PTPRD: variants seen among roughly 807,000 people sequenced by gnomAD.
PTPRD encodes the protein receptor-type tyrosine-protein phosphatase delta.
PTPRD carries 34 observed loss-of-function variants against 214.5 expected under a neutral mutation model. The observed-to-expected ratio is 0.16, with a 90% CI of 0.12 to 0.21. The LOEUF (loss-of-function observed/expected upper bound fraction) is 0.21. Ranked by LOEUF, PTPRD falls within the 10% of genes least tolerant of loss-of-function variation. PTPRD has a pLI of 1.00. For missense variants in PTPRD, 2,545 were observed against 2,398.7 expected (o/e 1.06, Z -1.27); for synonymous variants, 1,128 against 845.7 (o/e 1.33, Z -5.79).
At chr9:8,908,890 A>G (rs1116909) in intron 11 of PTPRD, among the ~76,000 whole-genome samples, 5,003 of 151,214 alleles carry the variant, frequency 0.033, 267 homozygotes, top group African/African-American at 0.11. Context: ...AAGACCTATC[A>G]TTATTAATGC....
At chr9:10,109,539 G>A (rs898111237) in intron 3 of PTPRD, among the ~76,000 whole-genome samples, 2 of 152,068 alleles carry the variant, frequency 1.3e-5, no homozygotes, top group African/African-American at 4.8e-5. Flanking sequence ...CCATAAACCA[G>A]GGCAAATATA....
intron 5 of PTPRD, among the ~76,000 whole-genome samples, chr9:9,813,931 C>T (rs1426771120): frequency 1.3e-5 from 2 of 152,076 alleles, no homozygotes; most frequent in East Asian, 3.9e-4. Context: ...GGATTTATCC[C>T]TTGCAAATGG....
intron 3 of PTPRD, among the ~76,000 whole-genome samples, chr9:10,103,702 C>T (rs769030645): frequency 3.3e-5 from 5 of 151,422 alleles, no homozygotes; most frequent in Non-Finnish European, 7.4e-5. Context: ...CTATTTCCTC[C>T]CAAATGGAGC....
At chr9:8,747,057 T>C (rs1296954017) in intron 11 of PTPRD, among the ~76,000 whole-genome samples, 1 of 152,176 alleles carries the variant, frequency 6.6e-6, no homozygotes, top group African/African-American at 2.4e-5. Context: ...CAAATTAAAA[T>C]GCCATCTTTT....
intron 2 of PTPRD, among the ~76,000 whole-genome samples, chr9:10,527,378 T>C (rs546194220): frequency 6.6e-6 from 1 of 152,132 alleles, no homozygotes; most frequent in African/African-American, 2.4e-5. Flanking sequence ...ACCTGGGAGG[T>C]CTGTTTCAAA....
At chr9:8,328,420 G>A (rs556597279) in intron 44 of PTPRD, among the ~76,000 whole-genome samples, 21 of 152,184 alleles carry the variant, frequency 1.4e-4, no homozygotes, top group African/African-American at 4.3e-4. Flanking sequence ...TTGTGGGCAC[G>A]CCGACATTTG....
intron 10 of PTPRD, among the ~76,000 whole-genome samples, chr9:9,050,957 C>G (rs1360841419): frequency 5.3e-5 from 8 of 152,026 alleles, no homozygotes; most frequent in African/African-American, 1.9e-4. Flanking sequence ...AAAGTATCCC[C>G]CATGAATAAC....
chr9:8,745,784 T>TTCTCTCTCTCTCTCTC (rs60391748), intron 11 of PTPRD, among the ~76,000 whole-genome samples: 2 of 148,714 alleles, frequency 1.3e-5, no homozygotes, highest in African/African-American at 5.0e-5. Flanking sequence ...TTTATGGAGT[T>TTCTCTCTCTCTCTCTC]TCTCTCTCTC....
intron 9 of PTPRD, among the ~76,000 whole-genome samples, chr9:9,220,278 C>G (rs2099954992): frequency 6.8e-6 from 1 of 146,584 alleles, no homozygotes. Context: ...ATGGGGTAAC[C>G]ATTCTTTACT....
At chr9:9,386,525 A>C (rs1487820083) in intron 9 of PTPRD, among the ~76,000 whole-genome samples, 1 of 152,196 alleles carries the variant, frequency 6.6e-6, no homozygotes, top group African/African-American at 2.4e-5. Context: ...TAAGTCTTCC[A>C]AGTCAATCAT....
At chr9:8,351,347 G>T (rs937700562) in intron 39 of PTPRD, among the ~76,000 whole-genome samples, 10 of 151,852 alleles carry the variant, frequency 6.6e-5, no homozygotes, top group African/African-American at 2.4e-4. Context: ...TTCTGAGAAG[G>T]ATCGGTAATG....
chr9:9,747,563 T>A (rs2098470980), intron 6 of PTPRD, among the ~76,000 whole-genome samples: 1 of 144,386 alleles, frequency 6.9e-6, no homozygotes, highest in African/African-American at 2.6e-5. Context: ...TTTTTCTCCC[T>A]GAGATGGAGT....
chr9:10,370,810 G>T (rs1470300401), intron 2 of PTPRD, among the ~76,000 whole-genome samples: 1 of 151,792 alleles, frequency 6.6e-6, no homozygotes, highest in African/African-American at 2.4e-5. Context: ...TGCTGTCTTT[G>T]ATAAAAGATC....
rs775300264 is a variant in PTPRD at position 9,434,433 on chromosome 9, C to T, written c.-236-36951G>A. Among the ~76,000 whole-genome samples, 25 of 152,218 alleles carry T rather than the reference C, an allele frequency of 1.6e-4. 1 individual carries two copies. The Middle Eastern group carries it at 0.01, about 63-fold the overall frequency. ...AGAATGAATAATGTTAAAATGGCTA[C>T]GCTGCCCAAAGTGATCTACAGATTT... On this transcript the variant is annotated intron_variant, in intron 8 of 45. Transcript: ENST00000381196.
intron 12 of PTPRD, among the ~76,000 whole-genome samples, chr9:8,697,793 G>A (rs529642688): frequency 1.3e-5 from 2 of 152,088 alleles, no homozygotes; most frequent in Admixed American, 1.3e-4. Flanking sequence ...TTGGGGAGGA[G>A]CACACACAAT....
At chr9:9,225,773 T>C (rs951638305) in intron 9 of PTPRD, among the ~76,000 whole-genome samples, 2 of 151,920 alleles carry the variant, frequency 1.3e-5, no homozygotes, top group Admixed American at 1.3e-4. Flanking sequence ...CAATAGAACA[T>C]AAAATACAGA....
At chr9:10,419,198 T>C (rs1565913901) in intron 2 of PTPRD, among the ~76,000 whole-genome samples, 1 of 151,910 alleles carries the variant, frequency 6.6e-6, no homozygotes. Flanking sequence ...ATCCCGTAAA[T>C]GATTTTCAGG....
chr9:10,051,679 C>T (rs2097538177), intron 3 of PTPRD, among the ~76,000 whole-genome samples: 1 of 151,990 alleles, frequency 6.6e-6, no homozygotes, highest in South Asian at 2.1e-4. Flanking sequence ...CAATTCCCAC[C>T]TGTGAGTGAG....
intron 9 of PTPRD, among the ~76,000 whole-genome samples, chr9:9,296,772 G>A (rs1182448580): frequency 2.0e-5 from 3 of 151,572 alleles, no homozygotes; most frequent in Non-Finnish European, 4.4e-5. Flanking sequence ...GTTCCCTAAG[G>A]GACTTACGTA....
Sources: allele counts gnomAD v4.1 joint callset (sites outside exome capture counted in the v4.1 genomes callset), GRCh38; gene constraint gnomAD v4.1.1; transcripts MANE v1.5; gene names NCBI Gene and HGNC (gene_info 2026-07-23, HGNC 2026-07-21).